Variants in DYNC2I1 observed in about 807,000 individuals in gnomAD.
The protein encoded by DYNC2I1 is dynein 2 intermediate chain 1, also known as cytoplasmic dynein 2 intermediate chain 1.
Under a neutral mutation model 133.4 loss-of-function variants are expected in DYNC2I1, and 89 were observed. That is an observed-to-expected ratio of 0.67 (90% CI 0.56 to 0.80). DYNC2I1 has a LOEUF of 0.80. Among genes scored for constraint, DYNC2I1 ranks in the 30% least tolerant of loss-of-function variants. The probability of loss-of-function intolerance (pLI) is 0.00; values close to 1 mark genes in which losing one functional copy is unlikely to be tolerated. For synonymous variants in DYNC2I1, 504 were observed against 484.3 expected (o/e 1.04, Z -0.54); for missense variants, 1,291 against 1,314.5 (o/e 0.98, Z 0.28).
intron 17 of DYNC2I1, among the ~76,000 whole-genome samples, chr7:158,925,973 G>A (rs991877513): frequency 3.3e-5 from 5 of 152,192 alleles, no homozygotes; most frequent in African/African-American, 4.8e-5. Context: ...GCTGGGGCCC[G>A]TGTGTCCTAG....
intron 5 of DYNC2I1, 31 bp from the exon 6 acceptor site, chr7:158,884,533 A>G (rs1166396447): frequency 2.5e-6 from 4 of 1,599,352 alleles, no homozygotes; most frequent in South Asian, 1.1e-5. Flanking sequence ...ATGCTAATAA[A>G]TGGTTATGGG....
At chr7:158,872,019 T>C (rs906050856) in intron 3 of DYNC2I1, among the ~76,000 whole-genome samples, 5 of 152,126 alleles carry the variant, frequency 3.3e-5, no homozygotes, top group Non-Finnish European at 7.3e-5. Flanking sequence ...TTTTGGTATT[T>C]TAAAAACTTG....
Position 158,870,049 on chromosome 7 carries a change from G to A in DYNC2I1, c.69+141G>A, listed in dbSNP as rs1271544336. ...AAGTACTTTGAACTCAGAGGTGAAG[G>A]TGTACGGCTAACAATCCCTCTGGAA... On this transcript the variant is annotated intron_variant, in intron 2 of 24. Transcript: ENST00000407559. 1.0e-4 allele frequency: 72 copies of A among 687,322 alleles called. No homozygotes were observed. In the South Asian group the frequency reaches 1.5e-3, roughly 14 times the overall value. 42.6% of individuals were successfully genotyped at this position (687,322 alleles called of 1,614,324 possible).
intron 3 of DYNC2I1, among the ~76,000 whole-genome samples, chr7:158,872,179 G>A (rs1842949252): frequency 1.3e-5 from 2 of 152,080 alleles, no homozygotes; most frequent in Admixed American, 6.6e-5. Context: ...AGCTGTGTGT[G>A]GTGGCGCTTG....
intron 23 of DYNC2I1, among the ~76,000 whole-genome samples, chr7:158,935,033 AATTT>A (rs1420537204): frequency 8.5e-5 from 13 of 152,294 alleles, no homozygotes; most frequent in African/African-American, 3.1e-4. Flanking sequence ...AACTAGTTAG[AATTT>A]AACAGAAGAA....
intron 8 of DYNC2I1, among the ~76,000 whole-genome samples, chr7:158,892,309 A>G (rs1213630198): frequency 6.6e-6 from 1 of 152,172 alleles, no homozygotes. Context: ...CAGGCGTTGT[A>G]TTTACTGATA....
Position 158,952,934 on chromosome 7 carries a change from G to A in DYNC2I1, c.*57-3649G>A, listed in dbSNP as rs138856479. 2.6e-3 allele frequency among the ~76,000 whole-genome samples: 393 copies of A among 152,324 alleles called. 1 individual carries two copies. The highest frequency in any genetic ancestry group is 3.4e-3 in the Non-Finnish European group (232 of 68,018). ...GCCTCAGCGCCTGCTGTGCACGGTG[G>A]TGAGTCCAGAGCCCACTGCCTCGGG... On this transcript the variant is annotated intron_variant and NMD_transcript_variant, in intron 4 of 4. Coordinates refer to the DYNC2I1 transcript ENST00000454771.
At chr7:158,876,389 C>T (rs1458936307) in intron 3 of DYNC2I1, among the ~76,000 whole-genome samples, 2 of 152,192 alleles carry the variant, frequency 1.3e-5, no homozygotes, top group South Asian at 4.1e-4. Context: ...CAGATCCAAA[C>T]CATATCACTT....
Position 158,890,117 on chromosome 7 carries a change from G to GGATTACA in DYNC2I1, c.991-1146_991-1140dup, listed in dbSNP as rs1277629033. Among the ~76,000 whole-genome samples, 23 of 151,882 alleles carry GGATTACA rather than the reference G, an allele frequency of 1.5e-4. No homozygotes were observed. The East Asian group carries it at 2.5e-3, about 17-fold the overall frequency. Reference sequence around the variant, plus strand: ...CTTGCCTCAGCCTCCTAAAGTACTGGGATTACAGGTGCGAGCCACCACAAC... The same window carrying GGATTACA: ...CTTGCCTCAGCCTCCTAAAGTACTGGGATTACAGATTACAGGTGCGAGCCACCACAAC... On this transcript the variant is annotated intron_variant, in intron 7 of 24. Coordinates refer to ENST00000407559, the MANE Select transcript of DYNC2I1 (RefSeq NM_018051.5).
At chr7:158,865,517 A>G (rs910641946) in intron 1 of DYNC2I1, among the ~76,000 whole-genome samples, 2 of 152,214 alleles carry the variant, frequency 1.3e-5, no homozygotes, top group African/African-American at 2.4e-5. Context: ...TGCCATGTGC[A>G]TGAAGGATGC....
chr7:158,947,518 C>T (rs1473071646), downstream of DYNC2I1, among the ~76,000 whole-genome samples: 1 of 152,198 alleles, frequency 6.6e-6, no homozygotes, highest in Non-Finnish European at 1.5e-5. Flanking sequence ...CCTTTGTAAC[C>T]TGGGAGGCAG....
At chr7:158,949,591 G>A (rs1563220021), downstream of DYNC2I1, among the ~76,000 whole-genome samples, 2 of 152,046 alleles carry the variant, frequency 1.3e-5, no homozygotes, top group Non-Finnish European at 2.9e-5. Flanking sequence ...AAAGGTAGGA[G>A]GGAGGGGCCC....
chr7:158,920,361 G>C (rs1848932943), intron 15 of DYNC2I1, among the ~76,000 whole-genome samples: 1 of 151,124 alleles, frequency 6.6e-6, no homozygotes, highest in Non-Finnish European at 1.5e-5. Context: ...GTGTGTGTGT[G>C]TACCACAGCG....
chr7:158,871,696 G>C (rs1415838811), intron 3 of DYNC2I1, 134 bp downstream of exon 3: 26 of 1,089,828 alleles, frequency 2.4e-5, no homozygotes, highest in Non-Finnish European at 2.9e-5. Flanking sequence ...TTTCTGGACA[G>C]GGTCTTGCTC....
rs1039468854 is a variant in DYNC2I1 at position 158,871,657 on chromosome 7, C to T, written c.490+95C>T. ...CTCGCTGCCTCCCCTCCCTCTCTCC[C>T]CCGCTTCCCTCCTTCCCCTTTCCTT... On this transcript the variant is annotated intron_variant, in intron 3 of 24. Coordinates refer to ENST00000407559, the MANE Select transcript of DYNC2I1 (RefSeq NM_018051.5). 5.3e-6 allele frequency: 7 copies of T among 1,326,286 alleles called. No individual in the cohort carries two copies. In the African/African-American group the frequency reaches 1.0e-4, roughly 20 times the overall value. 82.2% of individuals were successfully genotyped at this position (1,326,286 alleles called of 1,614,324 possible).
At chr7:158,925,986 A>G (rs182910244) in intron 17 of DYNC2I1, among the ~76,000 whole-genome samples, 4 of 152,276 alleles carry the variant, frequency 2.6e-5, no homozygotes, top group Admixed American at 2.0e-4. Context: ...TGTCCTAGGA[A>G]TCTGAAAGTC....
chr7:158,876,193 G>A (rs2099898861), intron 3 of DYNC2I1, among the ~76,000 whole-genome samples: 3 of 152,214 alleles, frequency 2.0e-5, no homozygotes, highest in Non-Finnish European at 4.4e-5. Context: ...CAGGGCCAGA[G>A]CAGGAGGAAG....
intron 1 of DYNC2I1, among the ~76,000 whole-genome samples, chr7:158,865,268 A>G (rs1287095977): frequency 6.6e-6 from 1 of 152,216 alleles, no homozygotes; most frequent in Non-Finnish European, 1.5e-5. Flanking sequence ...AGAGTGGGGA[A>G]AAGAATTCCC....
In DYNC2I1 at chr7:158,871,536, A is replaced by G; in HGVS notation, c.464A>G (p.Glu155Gly). ...GAGACACGCGACCGGCAGCTCCTGG[A>G]GCGGGCGGAGAGGAAAGGCCGCTCA... ...GQETRDRQLL[E>G]RAERKGRSVS... Residue 155 changes from glutamate to glycine, a missense_variant, in exon 3 of 25, where the codon GAG becomes GGG. By Grantham distance (98) the Glu-to-Gly change is moderately conservative (BLOSUM62 -2). Transcript: ENST00000407559. 1.3e-6 allele frequency: 2 copies of G among 1,542,152 alleles called. No homozygotes were observed. Among genetic ancestry groups the G allele is most frequent in the Non-Finnish European group, 1.7e-6 (2 of 1,146,480 alleles).
Sources: gnomAD v4.1 joint callset for allele counts (sites outside exome capture counted in the v4.1 genomes callset) on GRCh38, gnomAD v4.1.1 for gene constraint, MANE v1.5 for transcripts, NCBI Gene and HGNC (gene_info 2026-07-23, HGNC 2026-07-21) for gene names.